The following PCM1 variants were observed in gnomAD, a reference collection of about 807,000 sequenced individuals.
PCM1 encodes pericentriolar material 1.
A neutral mutation model predicts 241.9 loss-of-function variants in PCM1; 157 were observed. The observed-to-expected ratio is 0.65, with a 90% confidence interval of 0.57 to 0.74. PCM1 has a LOEUF of 0.74. Among genes scored for constraint, PCM1 ranks in the 30% least tolerant of loss-of-function variants. The pLI is 0.00. For missense variants in PCM1, 3,478 were observed against 2,360.1 expected, an observed-to-expected ratio of 1.47 and a Z score of -9.81; for synonymous variants, 1,085 against 784.9, an observed-to-expected ratio of 1.38 and a Z score of -6.39.
intron 29 of PCM1, among the ~76,000 whole-genome samples, chr8:17,996,779 A>T (rs944602799): frequency 6.6e-6 from 1 of 152,310 alleles, no homozygotes; most frequent in Non-Finnish European, 1.5e-5. Flanking sequence ...ATAAACAAAC[A>T]AGCAAACAAA....
chr8:17,980,799 C>G, intron 24 of PCM1, 44 bp downstream of exon 24: 1 of 1,448,152 alleles, frequency 6.9e-7, no homozygotes, highest in Non-Finnish European at 9.4e-7. Flanking sequence ...AGGTTTTCAG[C>G]TTAGATTTGA....
chr8:17,956,502 G>T, intron 10 of PCM1, 102 bp from the exon 11 acceptor site: 2 of 693,542 alleles, frequency 2.9e-6, no homozygotes, highest in South Asian at 3.6e-5. Context: ...ATTCCATTAG[G>T]TCTAAATTTT....
chr8:17,993,703 C>A (rs925412748), intron 29 of PCM1, 84 bp downstream of exon 29: 1 of 1,176,056 alleles, frequency 8.5e-7, no homozygotes, highest in Non-Finnish European at 1.2e-6. Context: ...TGATAAAGTT[C>A]AACGGTATAG....
chr8:17,953,270 T>G, intron 9 of PCM1, 84 bp downstream of exon 9: 1 of 657,630 alleles, frequency 1.5e-6, no homozygotes, highest in African/African-American at 1.8e-5. Flanking sequence ...ATTTGGTGAA[T>G]GAACACATAG....
chr8:17,934,643 G>C (rs756094274), intron 2 of PCM1: 1 of 151,970 alleles, frequency 6.6e-6, no homozygotes, highest in South Asian at 2.1e-4. Flanking sequence ...TTTGTGTGTA[G>C]TTTAATGACT....
rs926539090 is a variant in PCM1, at chr8:17,950,692, C to A, written c.1039C>A (p.Gln347Lys). 3 of 1,598,544 alleles carry A rather than the reference C, an allele frequency of 1.9e-6. No homozygotes were observed. The highest frequency in any genetic ancestry group is 2.6e-6 in the Non-Finnish European group (3 of 1,170,322). The change falls in exon 8 of 39, where the codon CAG becomes AAG. Residue 347 changes from glutamine to lysine, a missense_variant. Coordinates refer to ENST00000325083, the MANE Select transcript of PCM1 (RefSeq NM_006197.4). ...AAATGAAGAATTGAATGACTTAATT[C>A]AGCGTTTTCATAATCAGCTTCGTGA... ...ELNEELNDLIQRFHNQLRDSQ... is the reference protein window; with the variant it reads ...ELNEELNDLIKRFHNQLRDSQ...
intron 7 of PCM1, 87 bp from the exon 8 acceptor site, chr8:17,950,527 CT>C (rs1483931437): frequency 2.8e-6 from 2 of 711,412 alleles, no homozygotes; most frequent in African/African-American, 1.8e-5. Flanking sequence ...TTTTTAAATT[CT>C]TTTTTTAAAT....
At position 18,025,374 on chromosome 8, in the gene PCM1, G is replaced by A. The variant is rs1229386536; in HGVS notation, c.5855G>A (p.Gly1952Asp). Residue 1952 changes from glycine to aspartate, a missense_variant, in exon 37 of 39, where the codon GGT (glycine) becomes GAT (aspartate). Coordinates refer to ENST00000325083, the MANE Select transcript of PCM1 (RefSeq NM_006197.4). ...VLVNDYEAESGNISQKSDEED... is the reference protein window; with the variant it reads ...VLVNDYEAESDNISQKSDEED... ...ATTACATTACAGGAAGCAGAATCTG[G>A]TAATATAAGTCAAAAGTCTGATGAA... 6.3e-7 allele frequency: 1 copy of A among 1,586,034 alleles called. No homozygotes were observed. The highest frequency in any genetic ancestry group is 2.2e-5 in the East Asian group (1 of 44,588).
chr8:17,930,629 A>G (rs1351422380), intron 2 of PCM1, among the ~76,000 whole-genome samples: 1 of 151,904 alleles, frequency 6.6e-6, no homozygotes, highest in Non-Finnish European at 1.5e-5. Flanking sequence ...CTGTAATCCC[A>G]GCACTTTGGG....
intron 36 of PCM1, among the ~76,000 whole-genome samples, chr8:18,024,002 C>T (rs2093968250): frequency 6.6e-6 from 1 of 152,162 alleles, no homozygotes; most frequent in Non-Finnish European, 1.5e-5. Flanking sequence ...ATTGTTAAAG[C>T]AAAATTAAAA....
At position 17,991,548 on chromosome 8, in the gene PCM1, C is replaced by G. The variant is rs755605306; in HGVS notation, c.4538C>G (p.Thr1513Ser). ...EPFATDDLGN[T>S]VIHLDQALAR... is the part of the protein sequence containing the mutation. ...ATTTTTGTTCCAAATGTAGGTAACACCGTGATTCACTTAGATCAAGCATTA... is the reference window on the plus strand; with the variant it reads ...ATTTTTGTTCCAAATGTAGGTAACAGCGTGATTCACTTAGATCAAGCATTA... Residue 1513 changes from threonine (T) to serine (S), a missense_variant, in exon 28 of 39, where the codon ACC becomes AGC. Coordinates refer to ENST00000325083, the MANE Select transcript of PCM1 (RefSeq NM_006197.4). 61 of 1,598,742 alleles carry G rather than the reference C, an allele frequency of 3.8e-5. 1 individual carries two copies. The East Asian group carries it at 4.9e-4, about 13-fold the overall frequency.
intron 8 of PCM1, among the ~76,000 whole-genome samples, chr8:17,952,179 C>T (rs978313479): frequency 3.3e-5 from 5 of 151,492 alleles, no homozygotes; most frequent in Non-Finnish European, 5.9e-5. Context: ...GTTGAGATCA[C>T]GCCACTGCAC....
intron 30 of PCM1, among the ~76,000 whole-genome samples, chr8:18,008,039 G>T (rs144711927): frequency 1.3e-5 from 2 of 152,220 alleles, no homozygotes; most frequent in African/African-American, 2.4e-5. Context: ...CAAGCACAGT[G>T]TTGGAGGGAT....
At position 17,947,340 on chromosome 8, in the gene PCM1, C is replaced by T. The variant is rs781286396; in HGVS notation, c.938C>T (p.Ala313Val). 3.8e-6 allele frequency: 6 copies of T among 1,599,780 alleles called. No homozygotes were observed. In the East Asian group the frequency reaches 9.0e-5, roughly 24 times the overall value. ...LLALQHKAEQ[A>V]IAVMDDSVVA... is the part of the protein sequence containing the mutation. ...GCTCTGCAACATAAAGCAGAGCAAGCTATTGCAGTGATGGATGATTCTGGT... is the reference window on the plus strand; with the variant it reads ...GCTCTGCAACATAAAGCAGAGCAAGTTATTGCAGTGATGGATGATTCTGGT... The change falls in exon 7 of 39, where the codon GCT becomes GTT. Residue 313 changes from alanine to valine, a missense_variant. Physicochemically the swap from Ala to Val is moderately conservative, Grantham distance 64. Coordinates refer to ENST00000325083, the MANE Select transcript of PCM1 (RefSeq NM_006197.4).
At chr8:18,018,885 C>CAT (rs1369217042) in intron 36 of PCM1, among the ~76,000 whole-genome samples, 4 of 54,340 alleles carry the variant, frequency 7.4e-5, no homozygotes. Flanking sequence ...TATATACACA[C>CAT]ACATATACAT....
chr8:17,958,967 C>T (rs999921855), intron 13 of PCM1, among the ~76,000 whole-genome samples: 2 of 152,024 alleles, frequency 1.3e-5, no homozygotes, highest in Non-Finnish European at 2.9e-5. Flanking sequence ...GGCAGTTCAC[C>T]CACCTTGGCT....
intron 23 of PCM1, among the ~76,000 whole-genome samples, chr8:17,978,287 TAAAA>T (rs2079464478): frequency 1.3e-5 from 2 of 150,998 alleles, no homozygotes; most frequent in Non-Finnish European, 3.0e-5. Flanking sequence ...AAGGGGAAAA[TAAAA>T]AACCAGGTGG....
chr8:18,027,792 C>T lies in PCM1; in HGVS notation c.*130C>T. Reference sequence around the variant, plus strand: ...ACACTGCTTTTTTGATAGGTGTGGTCATTTCTCCCCATGGTAGTTTAAAAC... The same window carrying T: ...ACACTGCTTTTTTGATAGGTGTGGTTATTTCTCCCCATGGTAGTTTAAAAC... On this transcript the variant is annotated 3_prime_UTR_variant, in exon 39 of 39. Coordinates refer to ENST00000325083, the MANE Select transcript of PCM1 (RefSeq NM_006197.4). The T allele has an allele frequency of 1.1e-5, 6 of 523,932 alleles. No homozygotes were observed. The highest frequency in any genetic ancestry group is 2.0e-5 in the Non-Finnish European group (6 of 298,138). 32.5% of individuals were successfully genotyped at this position (523,932 alleles called of 1,614,324 possible). A position where few individuals can be genotyped will look rare whatever the true frequency, so the allele number is the denominator to read the frequency against.
intron 38 of PCM1, 113 bp from the exon 39 acceptor site, chr8:18,027,524 A>T: frequency 1.5e-6 from 1 of 653,654 alleles, no homozygotes. Flanking sequence ...CTAATTTAGG[A>T]TTTCTTTTAT....
Sources: gnomAD v4.1 joint callset for allele counts (sites outside exome capture counted in the v4.1 genomes callset) on GRCh38, gnomAD v4.1.1 for gene constraint, MANE v1.5 for transcripts, NCBI Gene and HGNC (gene_info 2026-07-23, HGNC 2026-07-21) for gene names.